Variants in JAKMIP3 observed in about 807,000 individuals in gnomAD.
JAKMIP3 encodes the protein Janus kinase and microtubule interacting protein 3.
Under a neutral mutation model 118.5 loss-of-function variants are expected in JAKMIP3, and 58 were observed. The ratio of observed to expected loss-of-function variants is 0.49; its 90% CI spans 0.40 to 0.61. JAKMIP3 has a LOEUF of 0.61. Ranked by LOEUF, JAKMIP3 falls within the 20% of genes least tolerant of loss-of-function variation. The probability of loss-of-function intolerance (pLI) is 0.00; values close to 1 mark genes in which losing one functional copy is unlikely to be tolerated. For missense variants in JAKMIP3, 950 were observed against 1,109.0 expected (o/e 0.86, Z 2.04); for synonymous variants, 486 against 451.2 (o/e 1.08, Z -0.98).
At chr10:132,077,865 G>A (rs1172087938) in intron 1 of JAKMIP3, among the ~76,000 whole-genome samples, 2 of 152,168 alleles carry the variant, frequency 1.3e-5, no homozygotes, top group Admixed American at 6.5e-5. Flanking sequence ...AGGCTGGAGC[G>A]CAATGGCATG....
At chr10:132,106,387 C>T (rs993143059) in intron 2 of JAKMIP3, among the ~76,000 whole-genome samples, 2 of 151,804 alleles carry the variant, frequency 1.3e-5, no homozygotes, top group Non-Finnish European at 2.9e-5. Context: ...TGCACCTGCT[C>T]ATTTACATAT....
chr10:132,071,146 A>C lies in JAKMIP3; in HGVS notation c.-138+5085A>C, dbSNP rs115520765. Among the ~76,000 whole-genome samples, 6 of 141,704 alleles carry C rather than the reference A, an allele frequency of 4.2e-5. No individual in the cohort carries two copies. The South Asian group carries it at 1.2e-3, about 28-fold the overall frequency. The allele number at this position is 141,704 out of a possible 152,430, so 93.0% of individuals were successfully genotyped here. On this transcript the variant is annotated intron_variant, in intron 1 of 23. Coordinates refer to ENST00000684848, the MANE Select transcript of JAKMIP3 (RefSeq NM_001323087.2). ...TTCGTTATGATTTCTTCTTTCACCT[A>C]TGGGTCATTTAAAAGTGTGTGTGTG... is the stretch of plus-strand genomic sequence containing the variant.
chr10:132,082,916 A>T (rs1467735769), intron 1 of JAKMIP3, among the ~76,000 whole-genome samples: 2 of 152,194 alleles, frequency 1.3e-5, no homozygotes, highest in Non-Finnish European at 2.9e-5. Flanking sequence ...CCTATACCAC[A>T]GTTTCTTTAT....
At chr10:132,131,960 G>A (rs940721417) in intron 3 of JAKMIP3, among the ~76,000 whole-genome samples, 2 of 152,190 alleles carry the variant, frequency 1.3e-5, no homozygotes, top group African/African-American at 4.8e-5. Context: ...TGAGCAAGGT[G>A]GGGGCTCCTG....
In JAKMIP3 at chr10:132,108,686, G is replaced by T. The variant is rs2046292513; in HGVS notation, c.135+3743G>T. On this transcript the variant is annotated intron_variant, in intron 2 of 23. Transcript: ENST00000684848. ...CACTGGTGCCTCCAAGCCAAACCTG[G>T]ACCTTCCCAGCCAAGTGTCATTTAA... Among the ~76,000 whole-genome samples the T allele has an allele frequency of 4.0e-5, 6 of 151,744 alleles. No individual in the cohort carries two copies. The South Asian group carries it at 1.2e-3, about 32-fold the overall frequency.
chr10:132,154,411 G>A (rs367898604), intron 19 of JAKMIP3, among the ~76,000 whole-genome samples: 2 of 152,198 alleles, frequency 1.3e-5, no homozygotes, highest in African/African-American at 2.4e-5. Context: ...GTGTGGTCTT[G>A]TTCTATTTCA....
In JAKMIP3 at chr10:132,140,296, C is replaced by G. The variant is rs368546563; in HGVS notation, c.1345-155C>G. Among the ~76,000 whole-genome samples, 3 of 152,336 alleles carry G rather than the reference C, an allele frequency of 2.0e-5. No homozygotes were observed. The East Asian group carries it at 5.8e-4, about 29-fold the overall frequency. On this transcript the variant is annotated intron_variant, in intron 9 of 23. Coordinates refer to ENST00000684848, the MANE Select transcript of JAKMIP3 (RefSeq NM_001323087.2). ...CTTGCCATAGAGCGCCCCTCACACC[C>G]AGGCCACCTCCTCGGCCTGTGCCAG...
chr10:132,112,267 C>T lies in JAKMIP3; in HGVS notation c.136-4810C>T, dbSNP rs531120587. Among the ~76,000 whole-genome samples, 4 of 152,022 alleles carry T rather than the reference C, an allele frequency of 2.6e-5. No individual in the cohort carries two copies. Among genetic ancestry groups the T allele is most frequent in the East Asian group, 1.9e-4 (1 of 5,170 alleles). On this transcript the variant is annotated intron_variant, in intron 2 of 23. Coordinates refer to ENST00000684848, the MANE Select transcript of JAKMIP3 (RefSeq NM_001323087.2). The surrounding 1 kb of genome is among the most constrained non-coding windows in gnomAD (Gnocchi z 4.3). ...GGTGCCTGCTGTCCCGCGGGGCACA[C>T]GGGCCTCAGGTGTGGGAGCGGGGTC...
upstream of JAKMIP3, among the ~76,000 whole-genome samples, chr10:132,065,065 T>C (rs1401756443): frequency 2.6e-5 from 4 of 152,108 alleles, no homozygotes; most frequent in African/African-American, 7.2e-5. This position sits in a 1 kb window ranked among gnomAD's most constrained non-coding sequence, Gnocchi z 5.6. Context: ...CAGGCTCCGA[T>C]GCAGTCTCAG....
chr10:132,047,402 G>C (rs1010536622), intron 1 of JAKMIP3, among the ~76,000 whole-genome samples: 3 of 152,236 alleles, frequency 2.0e-5, no homozygotes, highest in Non-Finnish European at 2.9e-5. Context: ...AAGTGGAGGA[G>C]TAGGGCATGA....
intron 1 of JAKMIP3, among the ~76,000 whole-genome samples, chr10:132,095,484 C>CTAGTGGGGGTG (rs2043725780): frequency 6.6e-6 from 1 of 152,204 alleles, no homozygotes; most frequent in Non-Finnish European, 1.5e-5. Flanking sequence ...CCTTCAGGTT[C>CTAGTGGGGGTG]TGCAGTGGGG....
intron 23 of JAKMIP3, among the ~76,000 whole-genome samples, chr10:132,180,692 C>CGCGTGTGT (rs1565020759): frequency 6.2e-4 from 7 of 11,268 alleles, no homozygotes; most frequent in Admixed American, 1.6e-3. Context: ...CGTGTGTGTG[C>CGCGTGTGT]GTGCGTGTGT....
upstream of JAKMIP3, among the ~76,000 whole-genome samples, chr10:132,064,264 A>G (rs2133864210): frequency 6.6e-6 from 1 of 152,338 alleles, no homozygotes; most frequent in Admixed American, 6.5e-5. The surrounding 1 kb of genome is among the most constrained non-coding windows in gnomAD (Gnocchi z 4.4). Context: ...TAGGTGCTAT[A>G]AAGTATTTGG....
intron 1 of JAKMIP3, among the ~76,000 whole-genome samples, chr10:132,104,425 G>C (rs2045590659): frequency 6.6e-6 from 1 of 152,206 alleles, no homozygotes; most frequent in South Asian, 2.1e-4. Flanking sequence ...CCCGTGCTGA[G>C]TGTTCATCCC....
At chr10:132,064,254 T>C (rs2038528232), upstream of JAKMIP3, among the ~76,000 whole-genome samples, 1 of 152,130 alleles carries the variant, frequency 6.6e-6, no homozygotes, top group African/African-American at 2.4e-5. The surrounding 1 kb of genome is among the most constrained non-coding windows in gnomAD (Gnocchi z 4.4). Flanking sequence ...TGGCACGGGG[T>C]AGGTGCTATA....
Position 132,102,864 on chromosome 10 carries a change from A to T in JAKMIP3, c.-137-1808A>T, listed in dbSNP as rs549480486. ...CTGATAAATAGGGGGCTGGAGACAG[A>T]TGCAGGAGTAGGGGGGGAGGGCTGT... On this transcript the variant is annotated intron_variant, in intron 1 of 23. Transcript: ENST00000684848. Among the ~76,000 whole-genome samples the T allele has an allele frequency of 2.0e-5, 3 of 152,108 alleles. No individual in the cohort carries two copies. In the South Asian group the frequency reaches 6.2e-4, roughly 32 times the overall value.
At chr10:132,037,627 T>C (rs2037554640) in intron 1 of JAKMIP3, among the ~76,000 whole-genome samples, 1 of 152,090 alleles carries the variant, frequency 6.6e-6, no homozygotes, top group Admixed American at 6.5e-5. Context: ...CAGTGCTGGC[T>C]TTGGCAGCTG....
chr10:132,149,318 T>C, intron 14 of JAKMIP3, 94 bp from the exon 15 acceptor site: 1 of 778,444 alleles, frequency 1.3e-6, no homozygotes, highest in Non-Finnish European at 2.1e-6. Flanking sequence ...CCTGGTTCCA[T>C]GGTCTTGGCC....
chr10:132,139,433 TGTGTAC>T (rs1242705447), intron 9 of JAKMIP3, among the ~76,000 whole-genome samples: 9 of 143,406 alleles, frequency 6.3e-5, no homozygotes, highest in African/African-American at 2.2e-4. Flanking sequence ...TGTGTGTTTG[TGTGTAC>T]ATGTGAGTGT....
Sources: gnomAD v4.1 joint callset for allele counts (sites outside exome capture counted in the v4.1 genomes callset) on GRCh38, gnomAD v4.1.1 for gene constraint, Gnocchi (gnomAD v3.1) non-coding constraint, MANE v1.5 for transcripts, NCBI Gene and HGNC (gene_info 2026-07-23, HGNC 2026-07-21) for gene names.